KCTD3: variants seen among roughly 807,000 people sequenced by gnomAD.
KCTD3 encodes BTB/POZ domain-containing protein KCTD3.
In KCTD3, 41 loss-of-function variants were observed where a neutral mutation model predicts 85.8. The ratio of observed to expected loss-of-function variants is 0.48; its 90% confidence interval spans 0.37 to 0.62. KCTD3 has a LOEUF of 0.62. Among genes scored for constraint, KCTD3 ranks in the 20% least tolerant of loss-of-function variants. The pLI, the probability that KCTD3 is intolerant of heterozygous loss-of-function variation, is 0.00. For synonymous variants in KCTD3, 338 were observed against 345.4 expected (o/e 0.98, Z 0.24); for missense variants, 724 against 989.9 (o/e 0.73, Z 3.60).
chr1:215,609,338 C>T (rs1655148046), intron 14 of KCTD3, among the ~76,000 whole-genome samples: 1 of 151,926 alleles, frequency 6.6e-6, no homozygotes, highest in Non-Finnish European at 1.5e-5. Context: ...GCCAAGGGAA[C>T]TTGACAAGTT....
chr1:215,595,916 C>CT (rs1017334874), intron 10 of KCTD3, among the ~76,000 whole-genome samples: 207 of 152,214 alleles, frequency 1.4e-3, no homozygotes, highest in African/African-American at 4.9e-3. Flanking sequence ...AAATTAAGGA[C>CT]TTTAAGCAGG....
chr1:215,602,176 GA>G lies in KCTD3; in HGVS notation c.1114del (p.Ser372ValfsTer28), dbSNP rs1325832541. ...CTTCAAATGATGCTATTACTGCTCT[GA>G]GTGTTTACCTCACACCCAAAACAAG... ...DPSNDAITAL[S>X]VYLTPKTSVS... On this transcript the variant is annotated frameshift_variant, in exon 12 of 18. Coordinates refer to ENST00000259154, the MANE Select transcript of KCTD3 (RefSeq NM_016121.5). LOFTEE classifies it high-confidence loss of function. The G allele has an allele frequency of 1.3e-6, 2 of 1,599,744 alleles. No individual in the cohort carries two copies.
intron 9 of KCTD3, among the ~76,000 whole-genome samples, chr1:215,590,748 G>A (rs1379692623): frequency 2.6e-5 from 4 of 152,010 alleles, no homozygotes; most frequent in African/African-American, 9.7e-5. Context: ...ATTATGTTCA[G>A]CTGTTTAATT....
chr1:215,587,286 C>T (rs193238159), intron 9 of KCTD3, among the ~76,000 whole-genome samples: 9 of 152,066 alleles, frequency 5.9e-5, no homozygotes, highest in Non-Finnish European at 1.0e-4. Context: ...CATGCCACCA[C>T]GTCCAGCTAA....
intron 14 of KCTD3, among the ~76,000 whole-genome samples, chr1:215,610,328 AT>A (rs981302646): frequency 1.3e-5 from 2 of 151,138 alleles, no homozygotes; most frequent in African/African-American, 2.4e-5. Flanking sequence ...ATCAAAGGTC[AT>A]TTTTTTTTAT....
Position 215,588,534 on chromosome 1 carries a change from T to G in KCTD3, c.817+1849T>G, listed in dbSNP as rs1002412403. 5.3e-5 allele frequency among the ~76,000 whole-genome samples: 8 copies of G among 152,216 alleles called. No homozygotes were observed. In the South Asian group the frequency reaches 1.0e-3, roughly 20 times the overall value. On this transcript the variant is annotated intron_variant, in intron 9 of 17. Transcript: ENST00000259154. ...TGCCACTGTCCTGGTTTGTGCTAAG[T>G]AAGGTACCTGCTGTTTTTACCAAAC...
chr1:215,617,458 T>C (rs1655496005), intron 15 of KCTD3, among the ~76,000 whole-genome samples: 1 of 152,172 alleles, frequency 6.6e-6, no homozygotes, highest in Non-Finnish European at 1.5e-5. Context: ...TGGTGTCTGC[T>C]GCAGAATCGA....
At chr1:215,608,691 C>T (rs1387223809) in intron 14 of KCTD3, among the ~76,000 whole-genome samples, 2 of 151,904 alleles carry the variant, frequency 1.3e-5, no homozygotes, top group Admixed American at 1.3e-4. Flanking sequence ...CATACGTGTG[C>T]ACATGGGCAC....
intron 10 of KCTD3, among the ~76,000 whole-genome samples, chr1:215,600,720 A>C (rs763699127): frequency 9.2e-5 from 14 of 152,242 alleles, no homozygotes; most frequent in South Asian, 4.1e-4. Context: ...AGCCAGGTAT[A>C]GTATATGAAA....
intron 8 of KCTD3, among the ~76,000 whole-genome samples, chr1:215,585,812 C>A (rs185495312): frequency 6.6e-6 from 1 of 152,252 alleles, no homozygotes; most frequent in East Asian, 1.9e-4. Flanking sequence ...TTAAAGAATA[C>A]ATTAGCTTTT....
chr1:215,573,284 C>G (rs1236614993), intron 1 of KCTD3, among the ~76,000 whole-genome samples: 2 of 152,096 alleles, frequency 1.3e-5, no homozygotes, highest in Non-Finnish European at 2.9e-5. Context: ...TGAGTGGTAT[C>G]AAGAAAGATG....
Position 215,567,395 on chromosome 1 carries a change from G to T in KCTD3, c.-291G>T. Reference sequence around the variant, plus strand: ...CTCCCAGGCAGGCTGCGGCGGCGTCGGTGGCAGCGGAGCACGGAGAAGAGG... The same window carrying T: ...CTCCCAGGCAGGCTGCGGCGGCGTCTGTGGCAGCGGAGCACGGAGAAGAGG... On this transcript the variant is annotated 5_prime_UTR_variant, in exon 1 of 18. Coordinates refer to ENST00000259154, the MANE Select transcript of KCTD3 (RefSeq NM_016121.5). 1 of 206,792 alleles carries T rather than the reference G, an allele frequency of 4.8e-6. No homozygotes were observed. Among genetic ancestry groups the T allele is most frequent in the Non-Finnish European group, 9.5e-6 (1 of 105,002 alleles). The allele number at this position is 206,792 out of a possible 1,614,324, so 12.8% of individuals were successfully genotyped here. A position where few individuals can be genotyped will look rare whatever the true frequency, so the allele number is the denominator to read the frequency against.
chr1:215,596,239 G>A (rs2102583464), intron 10 of KCTD3, among the ~76,000 whole-genome samples: 1 of 152,260 alleles, frequency 6.6e-6, no homozygotes, highest in Admixed American at 6.5e-5. Flanking sequence ...GGAAACATAG[G>A]AAGAGAAGCA....
chr1:215,572,060 C>G (rs2102551637), intron 1 of KCTD3, among the ~76,000 whole-genome samples: 1 of 152,326 alleles, frequency 6.6e-6, no homozygotes, highest in African/African-American at 2.4e-5. Flanking sequence ...GAGACTGATA[C>G]TGCTAAATGA....
At chr1:215,618,855 C>T (rs1167166155) in intron 15 of KCTD3, 31 bp from the exon 16 acceptor site, 2 of 1,505,518 alleles carry the variant, frequency 1.3e-6, no homozygotes, top group Admixed American at 2.4e-5. Flanking sequence ...TGCTCATTCC[C>T]ATCAGGGCTC....
At chr1:215,578,849 G>T in intron 6 of KCTD3, 151 bp from the exon 7 acceptor site, 2 of 476,968 alleles carry the variant, frequency 4.2e-6, no homozygotes, top group Non-Finnish European at 3.6e-6. Flanking sequence ...TTTTTTAATT[G>T]TAATTAAATT....
chr1:215,619,420 G>A lies in KCTD3; in HGVS notation c.1886+129G>A, dbSNP rs149544622. 7.1e-4 allele frequency: 563 copies of A among 794,302 alleles called. 1 individual carries two copies. The highest frequency in any genetic ancestry group is 3.8e-3 in the African/African-American group (217 of 56,904). 49.2% of individuals were successfully genotyped at this position (794,302 alleles called of 1,614,324 possible). On this transcript the variant is annotated intron_variant, in intron 17 of 17. Transcript: ENST00000259154. ...GGTACATTTTAAATTCAGACATTATGTTAACTTTTTAACAGTTTTACCAAA... is the reference window on the plus strand; with the variant it reads ...GGTACATTTTAAATTCAGACATTATATTAACTTTTTAACAGTTTTACCAAA...
intron 15 of KCTD3, chr1:215,618,438 T>A (rs1214071327): frequency 1.2e-5 from 2 of 164,406 alleles, no homozygotes; most frequent in Non-Finnish European, 2.6e-5. Flanking sequence ...CTATACTGAT[T>A]TTTCTTTTTT....
In KCTD3 at chr1:215,620,738, A is replaced by G. The variant is rs1002412097; in HGVS notation, c.*120A>G. ...AAGATAAAATTGGACTTCATTTAGTATCTTTTTAACAGAATTACTTGGAAT... is the reference window on the plus strand; with the variant it reads ...AAGATAAAATTGGACTTCATTTAGTGTCTTTTTAACAGAATTACTTGGAAT... On this transcript the variant is annotated 3_prime_UTR_variant, in exon 18 of 18. Coordinates refer to ENST00000259154, the MANE Select transcript of KCTD3 (RefSeq NM_016121.5). 24 of 664,996 alleles carry G rather than the reference A, an allele frequency of 3.6e-5. No individual in the cohort carries two copies. The highest frequency in any genetic ancestry group is 5.4e-5 in the Non-Finnish European group (22 of 404,114). The allele number at this position is 664,996 out of a possible 1,614,324, so 41.2% of individuals were successfully genotyped here. A position where few individuals can be genotyped will look rare whatever the true frequency, so the allele number is the denominator to read the frequency against.
Sources: gnomAD v4.1 joint callset for allele counts (sites outside exome capture counted in the v4.1 genomes callset) on GRCh38, gnomAD v4.1.1 for gene constraint, MANE v1.5 for transcripts, NCBI Gene and HGNC (gene_info 2026-07-23, HGNC 2026-07-21) for gene names.